Variants in GRM5 observed in about 807,000 individuals in gnomAD.
GRM5 encodes glutamate metabotropic receptor 5, also known as metabotropic glutamate receptor 5.
In GRM5, 19 loss-of-function variants were observed where a neutral mutation model predicts 83.1. The observed-to-expected ratio is 0.23, with a 90% CI of 0.16 to 0.34. The LOEUF (loss-of-function observed/expected upper bound fraction) is 0.34. GRM5 is among the 10% of genes least tolerant of loss of function. The pLI is 1.00. For missense variants in GRM5, 1,160 were observed against 1,588.3 expected, an observed-to-expected ratio of 0.73 and a Z score of 4.58; for synonymous variants, 675 against 633.6, an observed-to-expected ratio of 1.07 and a Z score of -0.98.
intron 2 of GRM5, among the ~76,000 whole-genome samples, chr11:89,020,479 A>G (rs547212183): frequency 1.5e-4 from 23 of 152,334 alleles, no homozygotes; most frequent in African/African-American, 5.3e-4. Flanking sequence ...TGGAATTGCT[A>G]AAGATCAGTG....
intron 3 of GRM5, among the ~76,000 whole-genome samples, chr11:88,809,351 G>A (rs1943550974): frequency 6.6e-6 from 1 of 152,022 alleles, no homozygotes; most frequent in Non-Finnish European, 1.5e-5. Context: ...TCAAGTTTAA[G>A]CTCTCAGCTT....
intron 2 of GRM5, among the ~76,000 whole-genome samples, chr11:88,937,603 A>T (rs531635171): frequency 6.6e-6 from 1 of 151,898 alleles, no homozygotes; most frequent in South Asian, 2.1e-4. Flanking sequence ...AGAAGGAAAC[A>T]AAATGTTTCC....
At chr11:88,527,278 C>T (rs967886270) in intron 8 of GRM5, among the ~76,000 whole-genome samples, 3 of 152,112 alleles carry the variant, frequency 2.0e-5, no homozygotes. Context: ...TTCTGTTAGG[C>T]TAATTGTGAA....
At chr11:88,620,843 C>G (rs528793621) in intron 4 of GRM5, among the ~76,000 whole-genome samples, 127 of 152,200 alleles carry the variant, frequency 8.3e-4, no homozygotes, top group Middle Eastern at 3.4e-3. Context: ...TTATTTTGTG[C>G]CTGAAATACA....
At chr11:88,640,549 T>C (rs899505788) in intron 4 of GRM5, among the ~76,000 whole-genome samples, 1 of 152,100 alleles carries the variant, frequency 6.6e-6, no homozygotes, top group African/African-American at 2.4e-5. Flanking sequence ...TGGCATCAGA[T>C]CCCACAGGTT....
At chr11:89,013,482 T>C (rs920431254) in intron 2 of GRM5, among the ~76,000 whole-genome samples, 10 of 152,198 alleles carry the variant, frequency 6.6e-5, no homozygotes, top group Non-Finnish European at 1.5e-4. Flanking sequence ...GAGCATCATA[T>C]ATTGGTCAGA....
chr11:88,977,211 T>TTATTA (rs1252408473), intron 2 of GRM5, among the ~76,000 whole-genome samples: 1 of 147,770 alleles, frequency 6.8e-6, no homozygotes, highest in Non-Finnish European at 1.5e-5. Flanking sequence ...TTATATTATT[T>TTATTA]TATTTTATTT....
At chr11:88,515,815 C>T (rs1316472530) in intron 9 of GRM5, among the ~76,000 whole-genome samples, 1 of 152,190 alleles carries the variant, frequency 6.6e-6, no homozygotes, top group Non-Finnish European at 1.5e-5. Context: ...TGTTTTGTGT[C>T]TAGAAGCTGC....
chr11:88,805,537 G>A lies in GRM5; in HGVS notation c.911+44369C>T, dbSNP rs970326866. 6.0e-5 allele frequency among the ~76,000 whole-genome samples: 7 copies of A among 117,280 alleles called. No individual in the cohort carries two copies. In the South Asian group the frequency reaches 1.4e-3, roughly 23 times the overall value. 76.9% of individuals were successfully genotyped at this position (117,280 alleles called of 152,430 possible). ...AATATTGATTTTTAATATGTTAAATGTTGGTTTCCAAAAAATAGAGCAGTT... is the reference window on the plus strand; with the variant it reads ...AATATTGATTTTTAATATGTTAAATATTGGTTTCCAAAAAATAGAGCAGTT... On this transcript the variant is annotated intron_variant, in intron 3 of 9. Transcript: ENST00000305447.
chr11:89,030,551 G>A (rs1226261468), intron 2 of GRM5, among the ~76,000 whole-genome samples: 2 of 152,002 alleles, frequency 1.3e-5, no homozygotes, highest in African/African-American at 2.4e-5. Context: ...TTAACTCATA[G>A]CATTATTGTA....
intron 5 of GRM5, among the ~76,000 whole-genome samples, chr11:88,600,898 A>T (rs1937968493): frequency 6.6e-6 from 1 of 152,222 alleles, no homozygotes; most frequent in Admixed American, 6.5e-5. Context: ...GGTTGGCATA[A>T]TAAGCCCTGG....
At chr11:88,695,992 C>T (rs561357516) in intron 3 of GRM5, among the ~76,000 whole-genome samples, 87 of 152,328 alleles carry the variant, frequency 5.7e-4, no homozygotes, top group African/African-American at 2.0e-3. Flanking sequence ...GACCCTCTGC[C>T]TTACCACAAA....
intron 3 of GRM5, among the ~76,000 whole-genome samples, chr11:88,758,890 C>G (rs763833823): frequency 2.6e-5 from 4 of 152,136 alleles, no homozygotes; most frequent in Non-Finnish European, 5.9e-5. Context: ...TAACAGTAGA[C>G]CTCTCAGCAG....
chr11:88,577,321 A>C (rs904240649), intron 7 of GRM5, among the ~76,000 whole-genome samples: 8 of 152,144 alleles, frequency 5.3e-5, no homozygotes, highest in Non-Finnish European at 1.2e-4. Context: ...GCTCATGTTT[A>C]TTACAGAAAG....
chr11:88,650,445 G>T (rs7483764), intron 4 of GRM5, among the ~76,000 whole-genome samples: 103,441 of 151,754 alleles, frequency 0.68, 41,142 homozygotes, highest in Non-Finnish European at 0.9. Context: ...ATGAAAAGGA[G>T]CTTAACTTTG....
At chr11:88,787,126 A>G (rs1282685599) in intron 3 of GRM5, among the ~76,000 whole-genome samples, 2 of 124,292 alleles carry the variant, frequency 1.6e-5, no homozygotes, top group Non-Finnish European at 3.3e-5. Flanking sequence ...ATGATATATG[A>G]TATGATGTGT....
At chr11:88,813,487 A>G (rs1483345613) in intron 3 of GRM5, among the ~76,000 whole-genome samples, 2 of 152,228 alleles carry the variant, frequency 1.3e-5, no homozygotes, top group Admixed American at 1.3e-4. Context: ...ATTTAAAAAA[A>G]GAATGCCAAT....
At chr11:88,695,648 A>G (rs1378987995) in intron 3 of GRM5, among the ~76,000 whole-genome samples, 2 of 152,146 alleles carry the variant, frequency 1.3e-5, no homozygotes, top group Non-Finnish European at 2.9e-5. Context: ...ATACCTTCCA[A>G]ATACAATGGT....
Position 88,910,470 on chromosome 11 carries a change from A to C in GRM5, c.662-60315T>G, listed in dbSNP as rs140805427. Among the ~76,000 whole-genome samples the C allele has an allele frequency of 4.4e-4, 67 of 152,200 alleles. No homozygotes were observed. The East Asian group carries it at 0.012, about 27-fold the overall frequency. On this transcript the variant is annotated intron_variant, in intron 2 of 9. Transcript: ENST00000305447. The stretch of plus-strand genomic sequence containing the variant: ...GGAGTGGAATTTTTGTTTCATATGT[A>C]AACTCTACATTTAACTGTTTGTGGA...
Sources: allele counts gnomAD v4.1 joint callset (sites outside exome capture counted in the v4.1 genomes callset), GRCh38; gene constraint gnomAD v4.1.1; transcripts MANE v1.5; gene names NCBI Gene and HGNC (gene_info 2026-07-23, HGNC 2026-07-21).